Variants in SHOC2 observed in about 807,000 individuals in gnomAD.
SHOC2 encodes SHOC2 leucine rich repeat scaffold protein, also known as leucine-rich repeat protein SHOC-2.
In SHOC2, 4 loss-of-function variants were observed where a neutral mutation model predicts 50.2. The observed-to-expected ratio is 0.08, with a 90% CI of 0.04 to 0.18. The LOEUF (loss-of-function observed/expected upper bound fraction) is 0.18. SHOC2 is among the 10% of genes least tolerant of loss of function. The pLI is 1.00. For missense variants in SHOC2, 388 were observed against 669.6 expected, an observed-to-expected ratio of 0.58 and a Z score of 4.64; for synonymous variants, 218 against 244.5, an observed-to-expected ratio of 0.89 and a Z score of 1.01.
chr10:110,985,158 T>C lies in SHOC2; in HGVS notation c.704-470T>C, dbSNP rs550478174. Among the ~76,000 whole-genome samples the C allele has an allele frequency of 8.5e-5, 13 of 152,340 alleles. No homozygotes were observed. The East Asian group carries it at 2.5e-3, about 29-fold the overall frequency. The stretch of plus-strand genomic sequence containing the variant: ...AATATTTTAAAATCACTTTTCCATT[T>C]CCATTTATTTCCATGTCTTGAGGTA... On this transcript the variant is annotated intron_variant, in intron 2 of 8. Transcript: ENST00000369452.
At chr10:110,990,343 A>G (rs1257956972) in intron 3 of SHOC2, among the ~76,000 whole-genome samples, 2 of 152,028 alleles carry the variant, frequency 1.3e-5, no homozygotes, top group African/African-American at 4.8e-5. Context: ...CTCTGTATCT[A>G]GGTGCTCTGG....
chr10:110,930,884 C>T (rs1367704251), intron 1 of SHOC2, among the ~76,000 whole-genome samples: 1 of 151,922 alleles, frequency 6.6e-6, no homozygotes, highest in Non-Finnish European at 1.5e-5. Flanking sequence ...AACTGTGAGA[C>T]TTTGGTGAAG....
At chr10:110,948,260 A>T (rs556451791) in intron 1 of SHOC2, among the ~76,000 whole-genome samples, 29 of 152,306 alleles carry the variant, frequency 1.9e-4, no homozygotes, top group African/African-American at 6.3e-4. Flanking sequence ...TCTTAACAGA[A>T]ATGATAGGAA....
At chr10:110,973,988 T>G (rs1847831034) in intron 2 of SHOC2, among the ~76,000 whole-genome samples, 1 of 151,928 alleles carries the variant, frequency 6.6e-6, no homozygotes, top group South Asian at 2.1e-4. Flanking sequence ...TTACTGATCT[T>G]TTAAAAATTC....
intron 1 of SHOC2, among the ~76,000 whole-genome samples, chr10:110,931,662 G>C (rs924722596): frequency 2.0e-5 from 3 of 151,972 alleles, no homozygotes; most frequent in African/African-American, 7.2e-5. Context: ...CTTGTTTATT[G>C]TTCATTTATC....
In SHOC2 at chr10:110,964,304, C is replaced by T; in HGVS notation, c.-55C>T. On this transcript the variant is annotated 5_prime_UTR_variant, in exon 2 of 9. Transcript: ENST00000369452. This position sits in a 1 kb window ranked among gnomAD's most constrained non-coding sequence, Gnocchi z 4.9. ...ATCTTTGTCTCTTCATCTTTGAATTCAATTACTGGAAAATAAAAGGAGTTC... is the reference window on the plus strand; with the variant it reads ...ATCTTTGTCTCTTCATCTTTGAATTTAATTACTGGAAAATAAAAGGAGTTC... The T allele has an allele frequency of 1.9e-6, 3 of 1,584,688 alleles. No homozygotes were observed. Among genetic ancestry groups the T allele is most frequent in the Admixed American group, 1.8e-5 (1 of 54,098 alleles).
chr10:111,010,433 A>G (rs1300772773), intron 8 of SHOC2, among the ~76,000 whole-genome samples: 3 of 152,196 alleles, frequency 2.0e-5, no homozygotes, highest in Non-Finnish European at 1.5e-5. Context: ...CACAGGAACT[A>G]TAGGTTAGTA....
chr10:110,930,735 C>CTT (rs772553111), intron 1 of SHOC2, among the ~76,000 whole-genome samples: 2,805 of 96,834 alleles, frequency 0.029, 133 homozygotes, highest in African/African-American at 0.091. Context: ...ACGAGTAAAT[C>CTT]TTTTTTTTTT....
chr10:110,971,199 T>G (rs559994226), intron 2 of SHOC2, among the ~76,000 whole-genome samples: 1 of 152,286 alleles, frequency 6.6e-6, no homozygotes, highest in East Asian at 1.9e-4. Context: ...CATTTAAGTC[T>G]TCAATTCATT....
At chr10:110,959,035 A>G (rs1002596105) in intron 1 of SHOC2, among the ~76,000 whole-genome samples, 1 of 152,178 alleles carries the variant, frequency 6.6e-6, no homozygotes, top group African/African-American at 2.4e-5. Context: ...TATAAGAAAA[A>G]TATTGTACAT....
chr10:111,009,945 C>T, intron 8 of SHOC2, 115 bp downstream of exon 8: 3 of 695,566 alleles, frequency 4.3e-6, no homozygotes, highest in South Asian at 1.8e-5. Context: ...TTATATCAGG[C>T]TTAAGATTTT....
intron 4 of SHOC2, among the ~76,000 whole-genome samples, chr10:111,001,771 T>C (rs181585070): frequency 4.9e-4 from 74 of 152,214 alleles, no homozygotes; most frequent in Admixed American, 9.8e-4. Context: ...CTGTAGCTCA[T>C]GCTTGTAATC....
intron 1 of SHOC2, among the ~76,000 whole-genome samples, chr10:110,953,986 A>G (rs1304067284): frequency 6.6e-6 from 1 of 151,224 alleles, no homozygotes. Flanking sequence ...GTCTATAAGC[A>G]CTGATTTAGT....
intron 2 of SHOC2, among the ~76,000 whole-genome samples, chr10:110,974,984 C>CAT (rs1399298429): frequency 1.3e-5 from 2 of 152,000 alleles, no homozygotes; most frequent in East Asian, 3.8e-4. Context: ...GGAAGATTTC[C>CAT]ATATACCCTT....
rs149399291 is a variant in SHOC2 at position 110,941,716 on chromosome 10, G to A, written c.-235+22059G>A. On this transcript the variant is annotated intron_variant, in intron 1 of 8. Transcript: ENST00000369452. Reference sequence around the variant, plus strand: ...TATTTTCTACCAGTCTATATAACCTGTTTTTTTCATTCTCTTAACAGGATC... The same window carrying A: ...TATTTTCTACCAGTCTATATAACCTATTTTTTTCATTCTCTTAACAGGATC... Among the ~76,000 whole-genome samples, 749 of 151,984 alleles carry A rather than the reference G, an allele frequency of 4.9e-3. 4 individuals are homozygous for A. The highest frequency in any genetic ancestry group is 0.017 in the African/African-American group (722 of 41,460).
At chr10:111,001,130 T>C (rs1848364725) in intron 4 of SHOC2, among the ~76,000 whole-genome samples, 1 of 151,400 alleles carries the variant, frequency 6.6e-6, no homozygotes, top group African/African-American at 2.4e-5. Flanking sequence ...TTATTTTGCT[T>C]AGGGATTAAT....
chr10:110,928,721 C>T (rs989758713), intron 1 of SHOC2, among the ~76,000 whole-genome samples: 4 of 152,044 alleles, frequency 2.6e-5, no homozygotes, highest in African/African-American at 7.2e-5. Flanking sequence ...ATGGTGAAAC[C>T]CCGTCTCTAC....
chr10:110,986,758 T>A (rs1411864563), intron 3 of SHOC2, among the ~76,000 whole-genome samples: 1 of 152,156 alleles, frequency 6.6e-6, no homozygotes, highest in African/African-American at 2.4e-5. Flanking sequence ...TTACAGGCCT[T>A]AGCCACCGTG....
intron 2 of SHOC2, among the ~76,000 whole-genome samples, chr10:110,969,117 C>G (rs984502608): frequency 1.3e-5 from 2 of 152,148 alleles, no homozygotes; most frequent in African/African-American, 2.4e-5. Context: ...TAGTAATGTT[C>G]ATTTACTTTT....
Sources: gnomAD v4.1 joint callset for allele counts (sites outside exome capture counted in the v4.1 genomes callset) on GRCh38, gnomAD v4.1.1 for gene constraint, Gnocchi (gnomAD v3.1) non-coding constraint, MANE v1.5 for transcripts, NCBI Gene and HGNC (gene_info 2026-07-23, HGNC 2026-07-21) for gene names.